FIGN: variants seen among roughly 807,000 people sequenced by gnomAD.
The protein encoded by FIGN is fidgetin.
Under a neutral mutation model 51.3 loss-of-function variants are expected in FIGN, and 11 were observed. The ratio of observed to expected loss-of-function variants is 0.21; its 90% CI spans 0.13 to 0.35. The LOEUF (loss-of-function observed/expected upper bound fraction) is 0.35. Among genes scored for constraint, FIGN ranks in the 10% least tolerant of loss-of-function variants. The pLI is 1.00. For missense variants in FIGN, 857 were observed against 943.6 expected (o/e 0.91, Z 1.20); for synonymous variants, 407 against 363.2 (o/e 1.12, Z -1.37).
intron 2 of FIGN, among the ~76,000 whole-genome samples, chr2:163,713,529 A>G (rs1684621059): frequency 6.6e-6 from 1 of 152,198 alleles, no homozygotes; most frequent in African/African-American, 2.4e-5. Flanking sequence ...ATAAACCAAA[A>G]GACATTTACT....
Position 163,666,233 on chromosome 2 carries a change from C to T in FIGN, c.26-54427G>A, listed in dbSNP as rs186317367. Among the ~76,000 whole-genome samples the T allele has an allele frequency of 5.3e-5, 8 of 152,288 alleles. No homozygotes were observed. In the East Asian group the frequency reaches 1.4e-3, roughly 26 times the overall value. On this transcript the variant is annotated intron_variant, in intron 2 of 2. Transcript: ENST00000333129. ...GCAAACCCCAAGTCACTAGGGGTGT[C>T]ACCAACAGCTTCACTAACAATCCCC... is the stretch of plus-strand genomic sequence containing the variant.
At chr2:163,721,086 G>C (rs1045935998) in intron 2 of FIGN, among the ~76,000 whole-genome samples, 6 of 152,046 alleles carry the variant, frequency 3.9e-5, no homozygotes, top group African/African-American at 1.4e-4. Flanking sequence ...CATACTTTGT[G>C]GCCACCAACT....
At chr2:163,628,773 A>C (rs1044423400) in intron 2 of FIGN, among the ~76,000 whole-genome samples, 24 of 152,186 alleles carry the variant, frequency 1.6e-4, no homozygotes, top group Non-Finnish European at 3.5e-4. Context: ...AAATTGTGAC[A>C]TATCTGTCCA....
rs1691276303 is a variant in FIGN at position 163,612,076 on chromosome 2, A to G, written c.26-270T>C. On this transcript the variant is annotated intron_variant, in intron 2 of 2. Transcript: ENST00000333129. ...TTTTGCATTTGTAAGGAATAAGTAA[A>G]TCTATTTCTGTCAAGCCCATCAGCT... is the stretch of plus-strand genomic sequence containing the variant. 1.3e-5 allele frequency among the ~76,000 whole-genome samples: 2 copies of G among 152,220 alleles called. 1 individual carries two copies. The highest frequency in any genetic ancestry group is 4.1e-4 in the South Asian group (2 of 4,832).
At chr2:163,612,770 T>TA (rs1558995900) in intron 2 of FIGN, among the ~76,000 whole-genome samples, 54 of 134,598 alleles carry the variant, frequency 4.0e-4, no homozygotes, top group Non-Finnish European at 2.6e-4. Context: ...ATATATATAT[T>TA]ATATATGAGA....
intron 2 of FIGN, among the ~76,000 whole-genome samples, chr2:163,663,345 G>GTTTA (rs1452626653): frequency 6.6e-6 from 1 of 151,418 alleles, no homozygotes; most frequent in East Asian, 2.0e-4. Flanking sequence ...TTGTTTGTTT[G>GTTTA]TTTTTTGAGA....
intron 2 of FIGN, among the ~76,000 whole-genome samples, chr2:163,650,274 A>G (rs562123959): frequency 6.6e-6 from 1 of 151,998 alleles, no homozygotes; most frequent in Admixed American, 6.6e-5. Flanking sequence ...ACTAGAGTCT[A>G]TATTCAATGA....
intron 2 of FIGN, among the ~76,000 whole-genome samples, chr2:163,644,677 C>A (rs1448816864): frequency 6.6e-6 from 1 of 152,068 alleles, no homozygotes; most frequent in African/African-American, 2.4e-5. Flanking sequence ...TGGAAGCAAC[C>A]CAAATATTCA....
chr2:163,612,770 T>TATA (rs1682783989), intron 2 of FIGN, among the ~76,000 whole-genome samples: 1 of 134,572 alleles, frequency 7.4e-6, no homozygotes. Context: ...ATATATATAT[T>TATA]ATATATGAGA....
chr2:163,705,052 G>A (rs553159398), intron 2 of FIGN, among the ~76,000 whole-genome samples: 36 of 152,204 alleles, frequency 2.4e-4, no homozygotes, highest in Admixed American at 3.9e-4. Flanking sequence ...TGAATTCTGT[G>A]ACAACTTTAT....
At chr2:163,644,692 C>A (rs1252633311) in intron 2 of FIGN, among the ~76,000 whole-genome samples, 2 of 152,008 alleles carry the variant, frequency 1.3e-5, no homozygotes, top group Non-Finnish European at 2.9e-5. Flanking sequence ...TATTCATCAA[C>A]CTAGGAATGG....
intron 2 of FIGN, among the ~76,000 whole-genome samples, chr2:163,652,306 A>G (rs1199410753): frequency 1.3e-5 from 2 of 151,534 alleles, no homozygotes; most frequent in Non-Finnish European, 2.9e-5. Context: ...AGAGAATTCC[A>G]TAAGAGAGGA....
At chr2:163,725,778 T>G (rs192014793) in intron 2 of FIGN, among the ~76,000 whole-genome samples, 22 of 152,262 alleles carry the variant, frequency 1.4e-4, no homozygotes, top group African/African-American at 2.2e-4. Flanking sequence ...TTTAGAGGCT[T>G]ATTAAAGAAC....
intron 2 of FIGN, among the ~76,000 whole-genome samples, chr2:163,720,771 CTACTAAATAAACACACA>C: frequency 6.6e-6 from 1 of 152,134 alleles, no homozygotes; most frequent in Non-Finnish European, 1.5e-5. Flanking sequence ...ACAGGTTGCT[CTACTAAATAAACACACA>C]CACACACACG....
chr2:163,675,518 C>G (rs1020009793), intron 2 of FIGN, among the ~76,000 whole-genome samples: 2 of 152,156 alleles, frequency 1.3e-5, no homozygotes, highest in Non-Finnish European at 2.9e-5. Context: ...TGTAGCCCAA[C>G]AATCTGTACT....
At chr2:163,696,895 T>A (rs1382814218) in intron 2 of FIGN, among the ~76,000 whole-genome samples, 1 of 150,552 alleles carries the variant, frequency 6.6e-6, no homozygotes, top group Non-Finnish European at 1.5e-5. Context: ...GGTCTCGAAC[T>A]CCTGGGCTCA....
At chr2:163,720,246 TG>T (rs1238791066) in intron 2 of FIGN, among the ~76,000 whole-genome samples, 1 of 152,206 alleles carries the variant, frequency 6.6e-6, no homozygotes, top group East Asian at 1.9e-4. Flanking sequence ...CAATAAAAAT[TG>T]GTATCTGATT....
At chr2:163,688,509 C>A (rs1684189232) in intron 2 of FIGN, among the ~76,000 whole-genome samples, 1 of 152,078 alleles carries the variant, frequency 6.6e-6, no homozygotes, top group East Asian at 1.9e-4. Context: ...AGGCAAAAAT[C>A]GAGAAATGTG....
At chr2:163,649,879 C>T (rs764659989) in intron 2 of FIGN, among the ~76,000 whole-genome samples, 5 of 152,154 alleles carry the variant, frequency 3.3e-5, no homozygotes, top group Admixed American at 6.5e-5. Flanking sequence ...TAAGTGCTAA[C>T]TAATTTGCCC....
Sources: gnomAD v4.1 joint callset for allele counts (sites outside exome capture counted in the v4.1 genomes callset) on GRCh38, gnomAD v4.1.1 for gene constraint, MANE v1.5 for transcripts, NCBI Gene and HGNC (gene_info 2026-07-23, HGNC 2026-07-21) for gene names.